The following GULP1 variants were observed in gnomAD, a reference collection of about 807,000 sequenced individuals.
GULP1 encodes GULP PTB domain containing engulfment adaptor 1.
GULP1 carries 19 observed loss-of-function variants against 40.9 expected under a neutral mutation model. The observed-to-expected ratio is 0.46, with a 90% confidence interval of 0.32 to 0.68. The LOEUF (loss-of-function observed/expected upper bound fraction) is 0.68. GULP1 is among the 30% of genes least tolerant of loss of function. The pLI, the probability that GULP1 is intolerant of heterozygous loss-of-function variation, is 0.03. For synonymous variants in GULP1, 119 were observed against 117.6 expected, an observed-to-expected ratio of 1.01 and a Z score of -0.08; for missense variants, 312 against 362.2, an observed-to-expected ratio of 0.86 and a Z score of 1.12.
At chr2:188,572,580 G>T (rs1280486831) in intron 9 of GULP1, among the ~76,000 whole-genome samples, 1 of 152,142 alleles carries the variant, frequency 6.6e-6, no homozygotes, top group Admixed American at 6.6e-5. Context: ...ATAGTCTTTT[G>T]TCATGTAATG....
rs943295926 is a variant in GULP1 at position 188,478,035 on chromosome 2, A to G, written c.28+305A>G. Among the ~76,000 whole-genome samples the G allele has an allele frequency of 7.9e-5, 12 of 152,132 alleles. No individual in the cohort carries two copies. In the South Asian group the frequency reaches 2.5e-3, roughly 31 times the overall value. On this transcript the variant is annotated intron_variant, in intron 3 of 11. Coordinates refer to ENST00000409830, the MANE Select transcript of GULP1 (RefSeq NM_016315.4). ...TGATCTGAAACTTTGTCCTAACTTT[A>G]GCTTATGTAGCCATATAATACTAAA...
intron 2 of GULP1, among the ~76,000 whole-genome samples, chr2:188,470,906 G>T (rs2153005140): frequency 6.6e-6 from 1 of 152,202 alleles, no homozygotes; most frequent in South Asian, 2.1e-4. Flanking sequence ...TAAATGTTCT[G>T]TAAATATCTG....
At chr2:188,357,236 A>G (rs2045457991) in intron 1 of GULP1, among the ~76,000 whole-genome samples, 1 of 152,210 alleles carries the variant, frequency 6.6e-6, no homozygotes, top group Non-Finnish European at 1.5e-5. Context: ...AGGCTTATGT[A>G]CAGCAAAGGA....
chr2:188,587,764 A>G (rs1702700520), intron 10 of GULP1, 91 bp from the exon 11 acceptor site: 2 of 720,654 alleles, frequency 2.8e-6, no homozygotes, highest in Admixed American at 4.5e-5. Context: ...GATCATGTAA[A>G]TATTCATTTA....
At chr2:188,506,829 T>G (rs564595661) in intron 4 of GULP1, among the ~76,000 whole-genome samples, 2 of 152,088 alleles carry the variant, frequency 1.3e-5, no homozygotes, top group African/African-American at 4.8e-5. Context: ...AATTTGTGTT[T>G]TACTCATGGC....
intron 1 of GULP1, among the ~76,000 whole-genome samples, chr2:188,310,936 G>A (rs1279576938): frequency 6.6e-6 from 1 of 152,194 alleles, no homozygotes; most frequent in African/African-American, 2.4e-5. Flanking sequence ...ACTTAACTGT[G>A]TTAAAGATGA....
intron 2 of GULP1, among the ~76,000 whole-genome samples, chr2:188,413,686 T>G (rs2054206002): frequency 6.6e-6 from 1 of 152,202 alleles, no homozygotes; most frequent in Non-Finnish European, 1.5e-5. Flanking sequence ...TATTTCTGCC[T>G]TGTTCTTTCC....
At chr2:188,543,218 A>G (rs549105982) in intron 7 of GULP1, among the ~76,000 whole-genome samples, 5 of 152,178 alleles carry the variant, frequency 3.3e-5, no homozygotes, top group Non-Finnish European at 7.4e-5. Context: ...AAAAGATTGA[A>G]AATAATTTCT....
chr2:188,453,351 T>C lies in GULP1; in HGVS notation c.-44-24308T>C, dbSNP rs895437663. ...TTATTAGTGTTCTGTAAAAGTGTTT[T>C]ATCCTAAAGTATTTATTATTCTAGA... On this transcript the variant is annotated intron_variant, in intron 2 of 11. Coordinates refer to ENST00000409830, the MANE Select transcript of GULP1 (RefSeq NM_016315.4). 7.2e-5 allele frequency among the ~76,000 whole-genome samples: 11 copies of C among 152,300 alleles called. No individual in the cohort carries two copies. The South Asian group carries it at 2.3e-3, about 32-fold the overall frequency.
chr2:188,417,351 T>A (rs1207650833), intron 2 of GULP1, among the ~76,000 whole-genome samples: 2 of 152,180 alleles, frequency 1.3e-5, no homozygotes, highest in Non-Finnish European at 2.9e-5. Context: ...AGTTTCTTTG[T>A]CACTTACTTC....
chr2:188,559,218 G>C (rs1367760239), intron 7 of GULP1, among the ~76,000 whole-genome samples: 1 of 152,140 alleles, frequency 6.6e-6, no homozygotes, highest in Admixed American at 6.5e-5. Flanking sequence ...TGTACCCTAG[G>C]GAGTTGGTGC....
At chr2:188,540,098 C>T (rs968420487) in intron 6 of GULP1, among the ~76,000 whole-genome samples, 1 of 152,024 alleles carries the variant, frequency 6.6e-6, no homozygotes, top group Non-Finnish European at 1.5e-5. Flanking sequence ...TTATAAAACA[C>T]CCACTCAATA....
intron 1 of GULP1, among the ~76,000 whole-genome samples, chr2:188,345,876 C>T (rs2043580580): frequency 6.6e-6 from 1 of 152,122 alleles, no homozygotes; most frequent in African/African-American, 2.4e-5. Flanking sequence ...TAAACAATAA[C>T]CCCTAATATT....
At chr2:188,429,826 T>C (rs1457915635) in intron 2 of GULP1, among the ~76,000 whole-genome samples, 1 of 151,678 alleles carries the variant, frequency 6.6e-6, no homozygotes, top group Non-Finnish European at 1.5e-5. Flanking sequence ...TTCTCCTGCC[T>C]CAGCCTCCCG....
intron 2 of GULP1, among the ~76,000 whole-genome samples, chr2:188,391,497 A>G (rs775357805): frequency 6.6e-6 from 1 of 152,098 alleles, no homozygotes; most frequent in Non-Finnish European, 1.5e-5. Context: ...TATCAAATCT[A>G]GGAGTCTTTT....
rs1206286388 is a variant in GULP1, at chr2:188,386,279, G to A, written c.-45+2390G>A. ...TTTTAAAACCATCAGATCTTGTGAT[G>A]GTTTTAAACCCACTCACTATCATGA... On this transcript the variant is annotated intron_variant, in intron 2 of 11. Transcript: ENST00000409830. 5.3e-5 allele frequency among the ~76,000 whole-genome samples: 8 copies of A among 152,120 alleles called. No homozygotes were observed. The East Asian group carries it at 1.6e-3, about 30-fold the overall frequency.
intron 2 of GULP1, among the ~76,000 whole-genome samples, chr2:188,421,337 TTGAAA>T (rs1487249131): frequency 1.3e-5 from 2 of 152,146 alleles, no homozygotes; most frequent in Non-Finnish European, 2.9e-5. Context: ...TATATATGAA[TTGAAA>T]TTAATGGTGT....
chr2:188,381,328 T>A (rs1420613242), intron 1 of GULP1, among the ~76,000 whole-genome samples: 1 of 152,154 alleles, frequency 6.6e-6, no homozygotes, highest in East Asian at 1.9e-4. Context: ...CATAAAATAT[T>A]CTAGTTTGAA....
chr2:188,347,434 C>G (rs1239676796), intron 1 of GULP1, among the ~76,000 whole-genome samples: 4 of 151,970 alleles, frequency 2.6e-5, no homozygotes, highest in Non-Finnish European at 5.9e-5. Context: ...AATAAAACTT[C>G]TAATAAAAAT....
Sources: allele counts gnomAD v4.1 joint callset (sites outside exome capture counted in the v4.1 genomes callset), GRCh38; gene constraint gnomAD v4.1.1; transcripts MANE v1.5; gene names NCBI Gene and HGNC (gene_info 2026-07-23, HGNC 2026-07-21).